The following KIF4A variants were observed in gnomAD, a reference collection of about 807,000 sequenced individuals.
KIF4A encodes kinesin family member 4A.
A neutral mutation model predicts 105.9 loss-of-function variants in KIF4A; 7 were observed. The ratio of observed to expected loss-of-function variants is 0.07; its 90% CI spans 0.04 to 0.12. The LOEUF (loss-of-function observed/expected upper bound fraction) is 0.12. KIF4A is among the 10% of genes least tolerant of loss of function. The pLI, the probability that KIF4A is intolerant of heterozygous loss-of-function variation, is 1.00. For synonymous variants in KIF4A, 281 were observed against 331.3 expected (o/e 0.85, Z 1.65); for missense variants, 558 against 929.2 (o/e 0.60, Z 5.19).
rs1409927663 is a variant in KIF4A at position 70,298,971 on chromosome X, T to G, written c.427-142T>G. 1.2e-5 allele frequency: 5 copies of G among 427,417 alleles called. No homozygotes were observed. In the East Asian group the frequency reaches 1.6e-4, roughly 14 times the overall value. The allele number at this position is 427,417 out of a possible 1,213,427, so 35.2% of individuals were successfully genotyped here. A position where few individuals can be genotyped will look rare whatever the true frequency, so the allele number is the denominator to read the frequency against. ...AGGGTTATGGTCCTTTTCTTAATTC[T>G]ACAAGTAATACATGTTCATTATGAA... is the stretch of plus-strand genomic sequence containing the variant. On this transcript the variant is annotated intron_variant, in intron 4 of 30. Coordinates refer to ENST00000374403, the MANE Select transcript of KIF4A (RefSeq NM_012310.5).
chrX:70,368,762 A>G (rs1362549706), intron 15 of KIF4A, among the ~76,000 whole-genome samples: 2 of 111,988 alleles, frequency 1.8e-5, no homozygotes, highest in Non-Finnish European at 3.8e-5. Flanking sequence ...GAGAACCACT[A>G]GTCTCTTCAA....
chrX:70,400,934 A>AT (rs1569252052), intron 22 of KIF4A, among the ~76,000 whole-genome samples: 1 of 106,730 alleles, frequency 9.4e-6, no homozygotes, highest in African/African-American at 3.4e-5. Context: ...GGCCCAGCTA[A>AT]TTTTTTGTAT....
chrX:70,403,017 C>T (rs915424084), intron 23 of KIF4A, among the ~76,000 whole-genome samples: 2 of 112,059 alleles, frequency 1.8e-5, no homozygotes, highest in African/African-American at 6.5e-5. Flanking sequence ...TACTGTACTA[C>T]TTTTTAAAAC....
Position 70,305,180 on chromosome X carries a change from A to T in KIF4A, c.778+2782A>T, listed in dbSNP as rs1393685770. Among the ~76,000 whole-genome samples the T allele has an allele frequency of 2.2e-4, 25 of 111,546 alleles. 1 individual carries two copies. The Admixed American group carries it at 2.4e-3, about 11-fold the overall frequency. On this transcript the variant is annotated intron_variant, in intron 7 of 30. Transcript: ENST00000374403. ...CTTTTTTTTTAAAAGAATAAAAGAT[A>T]TAATTATATAATTAACATACCATAA...
At chrX:70,410,855 C>A (rs2086319122) in intron 28 of KIF4A, among the ~76,000 whole-genome samples, 1 of 111,616 alleles carries the variant, frequency 9.0e-6, no homozygotes, top group Non-Finnish European at 1.9e-5. Flanking sequence ...GTTGTGGACC[C>A]CCTGGTCTAG....
intron 17 of KIF4A, among the ~76,000 whole-genome samples, 200 bp from the exon 18 acceptor site, chrX:70,375,900 T>C (rs2086173121): frequency 8.9e-6 from 1 of 111,857 alleles, no homozygotes; most frequent in African/African-American, 3.2e-5. Flanking sequence ...CTTCTCAGTG[T>C]TCACTTGTAT....
intron 7 of KIF4A, among the ~76,000 whole-genome samples, chrX:70,321,141 A>G (rs769622244): frequency 3.2e-4 from 36 of 110,968 alleles, no homozygotes; most frequent in Admixed American, 1.7e-3. Flanking sequence ...CTCCTCGACC[A>G]TCTTTCACAG....
chrX:70,371,119 ATCT>A (rs1167263393), intron 15 of KIF4A, among the ~76,000 whole-genome samples: 1 of 110,058 alleles, frequency 9.1e-6, no homozygotes, highest in Non-Finnish European at 1.9e-5. Flanking sequence ...CGTGCATATA[ATCT>A]TCTTGGCTGC....
chrX:70,390,266 G>T (rs1158182577), intron 20 of KIF4A, among the ~76,000 whole-genome samples: 1 of 110,883 alleles, frequency 9.0e-6, no homozygotes, highest in African/African-American at 3.3e-5. Context: ...TTTCTGTTCT[G>T]TGCTTTTTTA....
rs973610088 is a variant in KIF4A, at chrX:70,363,249, T to C, written c.1674+9442T>C. ...AATGAATAGAAACTATTTTTCTTTTTTTTTTTAATTATACTGTAAGTTTTA... is the reference window on the plus strand; with the variant it reads ...AATGAATAGAAACTATTTTTCTTTTCTTTTTTAATTATACTGTAAGTTTTA... On this transcript the variant is annotated intron_variant, in intron 15 of 30. Transcript: ENST00000374403. Among the ~76,000 whole-genome samples, 3 of 111,416 alleles carry C rather than the reference T, an allele frequency of 2.7e-5. No individual in the cohort carries two copies. In the South Asian group the frequency reaches 1.1e-3, roughly 43 times the overall value.
rs59508236 is a variant in KIF4A at position 70,413,629 on chromosome X, C to CAA, written c.3256-4244_3256-4243dup. On this transcript the variant is annotated intron_variant, in intron 28 of 30. Transcript: ENST00000374403. ...TGGGAGACAGAGCAAGACTCCATCT[C>CAA]AAAAAAAAAAAAAAAAGAGTGCTTG... Among the ~76,000 whole-genome samples, 153 of 75,758 alleles carry CAA rather than the reference C, an allele frequency of 2.0e-3. 2 individuals are homozygous for CAA. The South Asian group carries it at 0.06, about 30-fold the overall frequency. The allele number at this position is 75,758 out of a possible 115,157, so 65.8% of individuals were successfully genotyped here.
chrX:70,373,853 C>T (rs1220653161), intron 15 of KIF4A, among the ~76,000 whole-genome samples: 2 of 98,204 alleles, frequency 2.0e-5, no homozygotes, highest in East Asian at 3.2e-4. Flanking sequence ...CACATACACA[C>T]ACACACACAC....
At chrX:70,402,414 T>G in intron 22 of KIF4A, 152 bp from the exon 23 acceptor site, 1 of 677,419 alleles carries the variant, frequency 1.5e-6, no homozygotes, top group Non-Finnish European at 2.1e-6. Flanking sequence ...CGATACTATG[T>G]AAAATCCTAA....
chrX:70,330,121 C>A, intron 8 of KIF4A, 36 bp from the exon 9 acceptor site: 5 of 1,119,127 alleles, frequency 4.5e-6, no homozygotes, highest in Non-Finnish European at 6.0e-6. Flanking sequence ...TGTTTGATTT[C>A]ATTTCCTTTC....
At chrX:70,407,146 C>T (rs1345426558) in intron 28 of KIF4A, 71 bp downstream of exon 28, 7 of 1,091,723 alleles carry the variant, frequency 6.4e-6, no homozygotes, top group African/African-American at 1.9e-5. Context: ...CTCACTCTGT[C>T]GCCCAGGCTG....
intron 13 of KIF4A, among the ~76,000 whole-genome samples, 156 bp from the exon 14 acceptor site, chrX:70,352,444 G>GA (rs1383459553): frequency 2.7e-5 from 3 of 112,050 alleles, no homozygotes; most frequent in African/African-American, 9.8e-5. Flanking sequence ...ATGGGAAATG[G>GA]AAACGTGACT....
chrX:70,312,636 G>A (rs2085855067), intron 7 of KIF4A, among the ~76,000 whole-genome samples: 1 of 111,622 alleles, frequency 9.0e-6, no homozygotes. Flanking sequence ...TTGGTAATTC[G>A]ATCTAGAGGC....
chrX:70,396,185 CTG>C, intron 22 of KIF4A, 136 bp downstream of exon 22: 2 of 447,086 alleles, frequency 4.5e-6, no homozygotes, highest in Non-Finnish European at 7.6e-6. Flanking sequence ...AAACCAGACA[CTG>C]TACTAGGTAT....
intron 13 of KIF4A, among the ~76,000 whole-genome samples, chrX:70,352,004 CTG>C (rs1411358155): frequency 5.4e-5 from 6 of 111,973 alleles, no homozygotes; most frequent in African/African-American, 1.9e-4. Context: ...CTTGACCTGC[CTG>C]CCTTGGCCTC....
Sources: gnomAD v4.1 joint callset for allele counts (sites outside exome capture counted in the v4.1 genomes callset) on GRCh38, gnomAD v4.1.1 for gene constraint, MANE v1.5 for transcripts, NCBI Gene and HGNC (gene_info 2026-07-23, HGNC 2026-07-21) for gene names.